RIC1: variants seen among roughly 807,000 people sequenced by gnomAD.
The protein encoded by RIC1 is RIC1 partner of RAB6A GEF complex, also known as guanine nucleotide exchange factor subunit RIC1.
A neutral mutation model predicts 169.0 loss-of-function variants in RIC1; 88 were observed. The ratio of observed to expected loss-of-function variants is 0.52; its 90% CI spans 0.44 to 0.62. The LOEUF (loss-of-function observed/expected upper bound fraction) is 0.62. RIC1 is among the 20% of genes least tolerant of loss of function. RIC1 has a pLI of 0.00. For synonymous variants in RIC1, 790 were observed against 601.5 expected (o/e 1.31, Z -4.59); for missense variants, 1,877 against 1,725.5 (o/e 1.09, Z -1.56).
At chr9:5,652,866 G>A (rs1442957339) in intron 1 of RIC1, among the ~76,000 whole-genome samples, 3 of 152,074 alleles carry the variant, frequency 2.0e-5, no homozygotes, top group Admixed American at 6.6e-5. Flanking sequence ...ATTGTGTTGA[G>A]TTACATTCTT....
Position 5,629,172 on chromosome 9 carries a change from G to A in RIC1, c.-138G>A, listed in dbSNP as rs1426132242. 6 of 848,334 alleles carry A rather than the reference G, an allele frequency of 7.1e-6. No individual in the cohort carries two copies. The highest frequency in any genetic ancestry group is 7.9e-6 in the Non-Finnish European group (5 of 631,608). 52.6% of individuals were successfully genotyped at this position (848,334 alleles called of 1,614,324 possible). A position where few individuals can be genotyped will look rare whatever the true frequency, so the allele number is the denominator to read the frequency against. On this transcript the variant is annotated 5_prime_UTR_variant, in exon 1 of 26. Coordinates refer to ENST00000414202, the MANE Select transcript of RIC1 (RefSeq NM_020829.4). The stretch of plus-strand genomic sequence containing the variant: ...GCCTTGCGTCGGCCCGGCCCGGCCA[G>A]GCCAGCGGGCAGATGCCCCGAGCTG...
intron 3 of RIC1, among the ~76,000 whole-genome samples, chr9:5,696,611 C>G (rs1275302985): frequency 6.6e-6 from 1 of 151,512 alleles, no homozygotes; most frequent in Non-Finnish European, 1.5e-5. Context: ...AAAAAAAAAT[C>G]CAACAATGAG....
intron 2 of RIC1, among the ~76,000 whole-genome samples, chr9:5,675,503 T>C (rs1405825896): frequency 4.0e-5 from 6 of 150,488 alleles, no homozygotes; most frequent in Non-Finnish European, 8.8e-5. Flanking sequence ...GCCAAAAATA[T>C]TAAATTATTT....
At chr9:5,722,279 C>G (rs1212442070) in intron 6 of RIC1, among the ~76,000 whole-genome samples, 1 of 147,296 alleles carries the variant, frequency 6.8e-6, no homozygotes, top group Non-Finnish European at 1.5e-5. Context: ...TTTTTTTACC[C>G]CGAGGAACTA....
At chr9:5,689,339 C>G (rs1821459565) in intron 2 of RIC1, among the ~76,000 whole-genome samples, 1 of 152,122 alleles carries the variant, frequency 6.6e-6, no homozygotes. Context: ...GTGTGAGCCA[C>G]CGCGCCCGGC....
intron 12 of RIC1, among the ~76,000 whole-genome samples, chr9:5,751,794 A>C (rs1303499390): frequency 6.6e-6 from 1 of 152,244 alleles, no homozygotes; most frequent in Non-Finnish European, 1.5e-5. Flanking sequence ...GTTTTATCAA[A>C]TTTTATCAAG....
chr9:5,755,870 C>T (rs1586697335), intron 15 of RIC1, among the ~76,000 whole-genome samples: 2 of 152,116 alleles, frequency 1.3e-5, no homozygotes, highest in African/African-American at 4.8e-5. Flanking sequence ...GTGCAGTGAG[C>T]CGAGATCATG....
At chr9:5,647,924 G>C (rs1586875861) in intron 1 of RIC1, among the ~76,000 whole-genome samples, 1 of 145,056 alleles carries the variant, frequency 6.9e-6, no homozygotes, top group Non-Finnish European at 1.5e-5. Context: ...TTTTGTTTGT[G>C]TGTGTGGGGG....
At chr9:5,752,625 G>A (rs1246123894) in intron 12 of RIC1, among the ~76,000 whole-genome samples, 1 of 151,972 alleles carries the variant, frequency 6.6e-6, no homozygotes, top group Non-Finnish European at 1.5e-5. Context: ...TAATAGAGAC[G>A]AGATTTCGCC....
At chr9:5,654,086 G>C (rs1818952499) in intron 1 of RIC1, among the ~76,000 whole-genome samples, 1 of 151,936 alleles carries the variant, frequency 6.6e-6, no homozygotes, top group South Asian at 2.1e-4. Flanking sequence ...TGCAACCTCT[G>C]CCTCCCAGGC....
Position 5,720,314 on chromosome 9 carries a change from G to T in RIC1, c.573G>T (p.Gln191His). Residue 191 changes from glutamine (Q) to histidine (H), a missense_variant, in exon 5 of 26, where the codon CAG (glutamine) becomes CAT (histidine). Gln to His is a conservative substitution (Grantham distance 24). This residue lies in a region of RIC1 where 1,104 missense variants were observed against 992.0 expected (regional missense o/e 1.11). Transcript: ENST00000414202. ...CAGTACCCTTTTCAGTAGACCTGCAGTCATCTAGAGGTAGCTATACTTTCT... is the reference window on the plus strand; with the variant it reads ...CAGTACCCTTTTCAGTAGACCTGCATTCATCTAGAGGTAGCTATACTTTCT... ...LCTVPFSVDL[Q>H]SSRVGSFLGF... The T allele has an allele frequency of 6.2e-7, 1 of 1,612,618 alleles. No individual in the cohort carries two copies. Among genetic ancestry groups the T allele is most frequent in the Non-Finnish European group, 8.5e-7 (1 of 1,179,410 alleles).
intron 2 of RIC1, among the ~76,000 whole-genome samples, chr9:5,681,627 G>A (rs1217126275): frequency 6.6e-6 from 1 of 152,184 alleles, no homozygotes; most frequent in Admixed American, 6.5e-5. Flanking sequence ...CTGTTGATTT[G>A]GGGTGGAGAG....
At position 5,774,382 on chromosome 9, in the gene RIC1, A is replaced by C; in HGVS notation, c.*136A>C. The stretch of plus-strand genomic sequence containing the variant: ...GGTAAGTATTAGTAGATTTTAACTA[A>C]TTCTTTCTTGTCTAAGAAATCTTTT... On this transcript the variant is annotated 3_prime_UTR_variant, in exon 26 of 26. Coordinates refer to ENST00000414202, the MANE Select transcript of RIC1 (RefSeq NM_020829.4). 1.5e-6 allele frequency: 1 copy of C among 651,142 alleles called. No homozygotes were observed. The highest frequency in any genetic ancestry group is 2.4e-6 in the Non-Finnish European group (1 of 420,332). 40.3% of individuals were successfully genotyped at this position (651,142 alleles called of 1,614,324 possible).
At chr9:5,733,531 T>C (rs1824503220) in intron 7 of RIC1, among the ~76,000 whole-genome samples, 1 of 152,058 alleles carries the variant, frequency 6.6e-6, no homozygotes, top group South Asian at 2.1e-4. Flanking sequence ...CCCACAGTGC[T>C]GGATTACAGG....
rs747673485 is a variant in RIC1, at chr9:5,763,148, C to A, written c.2121C>A (p.Phe707Leu). 2 of 1,612,324 alleles carry A rather than the reference C, an allele frequency of 1.2e-6. No homozygotes were observed. The highest frequency in any genetic ancestry group is 3.3e-5 in the Admixed American group (2 of 59,982). Reference sequence around the variant, plus strand: ...TGTCTCTCCTTCTCCAGCTGCCATTCTGTCCTCCTGTTGTACTAGCCCAGT... The same window carrying A: ...TGTCTCTCCTTCTCCAGCTGCCATTATGTCCTCCTGTTGTACTAGCCCAGT... ...NPNNQRKLLP[F>L]CPPVVLAQSV... Residue 707 changes from phenylalanine to leucine, a missense_variant, in exon 19 of 26, where the codon TTC (phenylalanine) becomes TTA (leucine). This residue lies in a region of RIC1 where 1,104 missense variants were observed against 992.0 expected (regional missense o/e 1.11). Transcript: ENST00000414202. The surrounding 1 kb of genome is among the most constrained non-coding windows in gnomAD (Gnocchi z 5.2).
At position 5,629,468 on chromosome 9, in the gene RIC1, CCGCCGCCTTT is replaced by C. The variant is rs1437141485; in HGVS notation, c.144+22_144+31del. The C allele has an allele frequency of 1.3e-6, 2 of 1,526,382 alleles. No homozygotes were observed. Among genetic ancestry groups the C allele is most frequent in the Admixed American group, 2.0e-5 (1 of 49,758 alleles). 94.6% of individuals were successfully genotyped at this position (1,526,382 alleles called of 1,614,324 possible). A position where few individuals can be genotyped will look rare whatever the true frequency, so the allele number is the denominator to read the frequency against. ...GGTACAGCCGAGTAAGTAGAGCCGC[CCGCCGCCTTT>C]CGCCGCTGCCTCCCCGGCCTCCCGG... On this transcript the variant is annotated intron_variant, in intron 1 of 25. Transcript: ENST00000414202.
chr9:5,718,025 A>G (rs142207716), intron 4 of RIC1, among the ~76,000 whole-genome samples: 1,669 of 151,480 alleles, frequency 0.011, 29 homozygotes, highest in African/African-American at 0.038. Context: ...CTGTAATCCC[A>G]GCTACTAGGG....
At chr9:5,771,495 T>G (rs1352494752) in intron 23 of RIC1, among the ~76,000 whole-genome samples, 2 of 152,182 alleles carry the variant, frequency 1.3e-5, no homozygotes, top group African/African-American at 4.8e-5. Flanking sequence ...TGTGGGTATA[T>G]AATATTTCTG....
chr9:5,658,407 A>G (rs981603258), intron 2 of RIC1, among the ~76,000 whole-genome samples: 4 of 152,122 alleles, frequency 2.6e-5, no homozygotes, highest in African/African-American at 9.7e-5. Context: ...AAATATGAAA[A>G]TGAAAGTGCA....
Sources: allele counts gnomAD v4.1 joint callset (sites outside exome capture counted in the v4.1 genomes callset), GRCh38; gene constraint gnomAD v4.1.1; regional missense constraint gnomAD v4.1.1; non-coding constraint Gnocchi (gnomAD v3.1); transcripts MANE v1.5; gene names NCBI Gene and HGNC (gene_info 2026-07-23, HGNC 2026-07-21).